Variants in ABCC9 observed in about 807,000 individuals in gnomAD.
ABCC9 encodes the protein ATP binding cassette subfamily C member 9.
A neutral mutation model predicts 188.3 loss-of-function variants in ABCC9; 95 were observed. The ratio of observed to expected loss-of-function variants is 0.50; its 90% CI spans 0.43 to 0.60. The LOEUF (loss-of-function observed/expected upper bound fraction) is 0.60, where lower values mean the gene tolerates loss of function less well. Ranked by LOEUF, ABCC9 falls within the 20% of genes least tolerant of loss-of-function variation. ABCC9 has a pLI of 0.00. For synonymous variants in ABCC9, 659 were observed against 652.7 expected, an observed-to-expected ratio of 1.01 and a Z score of -0.15; for missense variants, 1,102 against 1,876.3, an observed-to-expected ratio of 0.59 and a Z score of 7.62.
chr12:21,941,036 C>A lies in ABCC9; in HGVS notation c.-137+164G>T, dbSNP rs978296173. Among the ~76,000 whole-genome samples, 1 of 152,188 alleles carries A rather than the reference C, an allele frequency of 6.6e-6. No homozygotes were observed. Among genetic ancestry groups the A allele is most frequent in the Non-Finnish European group, 1.5e-5 (1 of 68,042 alleles). Reference sequence around the variant, plus strand: ...CTTCACTTCTCGAGCCGGGCCTCGTCCCTTAATTCTAGAAATAGCGATCGC... The same window carrying A: ...CTTCACTTCTCGAGCCGGGCCTCGTACCTTAATTCTAGAAATAGCGATCGC... On this transcript the variant is annotated intron_variant, in intron 1 of 39. Transcript: ENST00000261200. This position sits in a 1 kb window ranked among gnomAD's most constrained non-coding sequence, Gnocchi z 5.4.
intron 32 of ABCC9, 79 bp from the exon 33 acceptor site, chr12:21,817,386 G>A (rs1264914085): frequency 7.1e-6 from 10 of 1,408,564 alleles, no homozygotes; most frequent in South Asian, 2.4e-5. Context: ...ATTTTGGAAC[G>A]AGATAACTTG....
chr12:21,838,886 C>T (rs547309512), intron 29 of ABCC9, among the ~76,000 whole-genome samples: 3 of 152,024 alleles, frequency 2.0e-5, no homozygotes, highest in African/African-American at 4.8e-5. Flanking sequence ...ATTAGCCAGC[C>T]GTGGTGGTGC....
Position 21,838,102 on chromosome 12 carries a change from CCTT to C in ABCC9, c.3539_3541del (p.Glu1180del), listed in dbSNP as rs747901960. On this transcript the variant is annotated inframe_deletion, in exon 30 of 40. Coordinates refer to ENST00000261200, the MANE Select transcript of ABCC9 (RefSeq NM_020297.4). Reference sequence around the variant, plus strand: ...CCTAAAGGCCCGAATGGTGGTGAGTCCTTCTGCTGTTTCTGAGAAGTGACAGAG... The same window carrying C: ...CCTAAAGGCCCGAATGGTGGTGAGTCCTGCTGTTTCTGAGAAGTGACAGAG... 7.4e-6 allele frequency: 12 copies of C among 1,614,036 alleles called. No individual in the cohort carries two copies. Among genetic ancestry groups the C allele is most frequent in the Non-Finnish European group, 1.0e-5 (12 of 1,179,962 alleles).
Position 21,909,862 on chromosome 12 carries a change from C to T in ABCC9, c.1320+295G>A, listed in dbSNP as rs145639567. ...AACCTTGACAATTCCCACAACTTTACGAGAAGTACTATTATTATTCTCATT... is the reference window on the plus strand; with the variant it reads ...AACCTTGACAATTCCCACAACTTTATGAGAAGTACTATTATTATTCTCATT... On this transcript the variant is annotated intron_variant, in intron 10 of 39. Transcript: ENST00000261200. Among the ~76,000 whole-genome samples, 10 of 151,952 alleles carry T rather than the reference C, an allele frequency of 6.6e-5. No homozygotes were observed. In the East Asian group the frequency reaches 1.4e-3, roughly 21 times the overall value.
chr12:21,940,345 G>A (rs1949641738), intron 2 of ABCC9, among the ~76,000 whole-genome samples: 1 of 152,168 alleles, frequency 6.6e-6, no homozygotes, highest in Non-Finnish European at 1.5e-5. Context: ...AAAGAACTTA[G>A]GGCTTTATCA....
intron 16 of ABCC9, among the ~76,000 whole-genome samples, chr12:21,881,863 T>A (rs1230556777): frequency 2.0e-5 from 3 of 152,144 alleles, no homozygotes; most frequent in African/African-American, 7.2e-5. Flanking sequence ...CATGTCCACC[T>A]CAAGATGGGC....
chr12:21,915,225 A>ATATGTGTGTG (rs1393960478), intron 7 of ABCC9, among the ~76,000 whole-genome samples: 5 of 129,132 alleles, frequency 3.9e-5, no homozygotes, highest in African/African-American at 1.3e-4. Flanking sequence ...TTATATATAT[A>ATATGTGTGTG]TGTGTGTGTG....
At chr12:21,929,495 TA>T (rs1280028380) in intron 4 of ABCC9, among the ~76,000 whole-genome samples, 1 of 152,024 alleles carries the variant, frequency 6.6e-6, no homozygotes, top group Non-Finnish European at 1.5e-5. Context: ...AATATTCTAT[TA>T]GGAAAGACTT....
intron 16 of ABCC9, among the ~76,000 whole-genome samples, chr12:21,877,899 C>T (rs544994376): frequency 6.6e-6 from 1 of 152,194 alleles, no homozygotes; most frequent in Admixed American, 6.5e-5. Flanking sequence ...CCATAGCACT[C>T]AGCAGCCTGG....
At chr12:21,891,709 T>C (rs1400394366) in intron 14 of ABCC9, among the ~76,000 whole-genome samples, 1 of 152,200 alleles carries the variant, frequency 6.6e-6, no homozygotes, top group African/African-American at 2.4e-5. Flanking sequence ...CTTTATCCCA[T>C]TCTAACCCAC....
intron 4 of ABCC9, among the ~76,000 whole-genome samples, chr12:21,932,124 A>G (rs757742602): frequency 2.6e-5 from 4 of 152,146 alleles, no homozygotes; most frequent in Non-Finnish European, 4.4e-5. Flanking sequence ...TACACCATTT[A>G]GCATAATTTC....
chr12:21,883,255 T>C (rs1173745389), intron 15 of ABCC9, among the ~76,000 whole-genome samples: 1 of 152,182 alleles, frequency 6.6e-6, no homozygotes, highest in Non-Finnish European at 1.5e-5. Flanking sequence ...ATCCATCTGT[T>C]AGGCTATGAT....
intron 31 of ABCC9, among the ~76,000 whole-genome samples, chr12:21,819,862 A>G (rs920419185): frequency 6.6e-6 from 1 of 152,216 alleles, no homozygotes; most frequent in Non-Finnish European, 1.5e-5. Flanking sequence ...CTTTGAGGCA[A>G]TAAATTCCAC....
chr12:21,920,705 C>G (rs1169318007), intron 5 of ABCC9, among the ~76,000 whole-genome samples: 1 of 152,012 alleles, frequency 6.6e-6, no homozygotes, highest in East Asian at 1.9e-4. Flanking sequence ...CCATTTGCCT[C>G]TCCCAGCACC....
Position 21,845,297 on chromosome 12 carries a change from A to C in ABCC9, c.3096+306T>G, listed in dbSNP as rs79293069. On this transcript the variant is annotated intron_variant, in intron 26 of 39. Transcript: ENST00000261200. The stretch of plus-strand genomic sequence containing the variant: ...CAAATACCATAAGAACAAATACAAA[A>C]AGGTCCTCTGTGTGTATATATGTAT... 6.7e-3 allele frequency among the ~76,000 whole-genome samples: 1,015 copies of C among 152,184 alleles called. 13 individuals are homozygous for C. The highest frequency in any genetic ancestry group is 0.023 in the African/African-American group (959 of 41,520).
At chr12:21,924,301 A>T (rs1052051955) in intron 5 of ABCC9, 1 of 152,912 alleles carries the variant, frequency 6.5e-6, no homozygotes, top group Admixed American at 6.5e-5. Flanking sequence ...CAAAACTAAG[A>T]TGGAGAGAGG....
intron 13 of ABCC9, among the ~76,000 whole-genome samples, chr12:21,894,636 G>A (rs182557819): frequency 2.8e-5 from 2 of 70,734 alleles, no homozygotes; most frequent in Admixed American, 1.6e-4. Context: ...TTGAGACACG[G>A]TATCACTTCA....
chr12:21,800,613 A>G lies in ABCC9; in HGVS notation c.*431T>C, dbSNP rs998857611. On this transcript the variant is annotated 3_prime_UTR_variant, in exon 40 of 40. Coordinates refer to ENST00000261200, the MANE Select transcript of ABCC9 (RefSeq NM_020297.4). The stretch of plus-strand genomic sequence containing the variant: ...GAATTTGAGAGTTTCGTTAGAAAAC[A>G]TGTCCTTTTTTATTCCTTCCAATAA... The G allele has an allele frequency of 6.3e-6, 1 of 158,534 alleles. No individual in the cohort carries two copies. Among genetic ancestry groups the G allele is most frequent in the Non-Finnish European group, 1.4e-5 (1 of 71,904 alleles). 9.8% of individuals were successfully genotyped at this position (158,534 alleles called of 1,614,324 possible). A position where few individuals can be genotyped will look rare whatever the true frequency, so the allele number is the denominator to read the frequency against.
At chr12:21,936,944 A>G (rs972404166) in intron 2 of ABCC9, among the ~76,000 whole-genome samples, 6 of 152,308 alleles carry the variant, frequency 3.9e-5, no homozygotes, top group African/African-American at 1.4e-4. Context: ...ATTATAATTA[A>G]TATCTACCTA....
Sources: allele counts gnomAD v4.1 joint callset (sites outside exome capture counted in the v4.1 genomes callset), GRCh38; gene constraint gnomAD v4.1.1; non-coding constraint Gnocchi (gnomAD v3.1); transcripts MANE v1.5; gene names NCBI Gene and HGNC (gene_info 2026-07-23, HGNC 2026-07-21).